The following SEC14L5 variants were observed in gnomAD, a reference collection of about 807,000 sequenced individuals.
The protein encoded by SEC14L5 is SEC14-like protein 5.
Under a neutral mutation model 84.6 loss-of-function variants are expected in SEC14L5, and 96 were observed. The ratio of observed to expected loss-of-function variants is 1.13; its 90% CI spans 0.96 to 1.34. SEC14L5 has a LOEUF of 1.34. Ranked by LOEUF, SEC14L5 falls within the 40% of genes most tolerant of loss-of-function variation. SEC14L5 has a pLI of 0.00. For missense variants in SEC14L5, 1,224 were observed against 942.5 expected (o/e 1.30, Z -3.91); for synonymous variants, 546 against 383.4 (o/e 1.42, Z -4.95).
chr16:5,012,556 G>A (rs979613429), intron 15 of SEC14L5, among the ~76,000 whole-genome samples: 1 of 152,248 alleles, frequency 6.6e-6, no homozygotes, highest in Admixed American at 6.5e-5. Flanking sequence ...ACTATGGGCA[G>A]CGATGGATGC....
At chr16:4,978,924 T>C (rs572293107) in intron 2 of SEC14L5, among the ~76,000 whole-genome samples, 320 of 152,276 alleles carry the variant, frequency 2.1e-3, no homozygotes, top group African/African-American at 7.4e-3. Flanking sequence ...TATGTAGAGA[T>C]GAGGTCTCAC....
At position 4,979,412 on chromosome 16, in the gene SEC14L5, C is replaced by G. The variant is rs554561643; in HGVS notation, c.64-8145C>G. Among the ~76,000 whole-genome samples the G allele has an allele frequency of 2.6e-5, 4 of 152,308 alleles. No individual in the cohort carries two copies. The South Asian group carries it at 8.3e-4, about 32-fold the overall frequency. On this transcript the variant is annotated intron_variant, in intron 2 of 15. Coordinates refer to ENST00000251170, the MANE Select transcript of SEC14L5 (RefSeq NM_014692.2). ...TCTGAGTTTTGGCTTCTCCATCTGT[C>G]AAATGCGGAGGGTGAGCGCTACCTA...
intron 11 of SEC14L5, among the ~76,000 whole-genome samples, chr16:5,005,634 G>A (rs922561221): frequency 6.6e-6 from 1 of 152,008 alleles, no homozygotes; most frequent in African/African-American, 2.4e-5. Flanking sequence ...GGCCGAGGCA[G>A]GTGGATCACG....
In SEC14L5 at chr16:5,013,506, C is replaced by T. The variant is rs1955831776; in HGVS notation, c.1980-1353C>T. ...GGCTCAAGCAATCCTCCAACCTCAG[C>T]TTCCCAAGTAGCTGGGACTATAGGC... On this transcript the variant is annotated intron_variant, in intron 15 of 15. Coordinates refer to ENST00000251170, the MANE Select transcript of SEC14L5 (RefSeq NM_014692.2). Among the ~76,000 whole-genome samples the T allele has an allele frequency of 2.7e-5, 4 of 148,772 alleles. No homozygotes were observed. The South Asian group carries it at 8.5e-4, about 31-fold the overall frequency.
rs1282378028 is a variant in SEC14L5, at chr16:5,017,825, C to G, written c.*2855C>G. ...GTCATTCTTCTTGCCTTCGGGAGGACTGGAATTAAAAATAATCCAAGGAAG... is the reference window on the plus strand; with the variant it reads ...GTCATTCTTCTTGCCTTCGGGAGGAGTGGAATTAAAAATAATCCAAGGAAG... On this transcript the variant is annotated 3_prime_UTR_variant, in exon 16 of 16. Coordinates refer to ENST00000251170, the MANE Select transcript of SEC14L5 (RefSeq NM_014692.2). 6.6e-6 allele frequency: 1 copy of G among 152,174 alleles called. No individual in the cohort carries two copies. The highest frequency in any genetic ancestry group is 1.5e-5 in the Non-Finnish European group (1 of 68,024). 9.4% of individuals were successfully genotyped at this position (152,174 alleles called of 1,614,324 possible).
chr16:4,993,278 G>A (rs1224298247), intron 6 of SEC14L5, among the ~76,000 whole-genome samples: 1 of 152,016 alleles, frequency 6.6e-6, no homozygotes, highest in African/African-American at 2.4e-5. Context: ...GTCTCACTGT[G>A]TCACCCAGGC....
At chr16:5,011,046 C>T (rs754613880) in intron 14 of SEC14L5, 49 bp from the exon 15 acceptor site, 2 of 1,532,704 alleles carry the variant, frequency 1.3e-6, no homozygotes, top group Admixed American at 2.0e-5. Flanking sequence ...CCTCCTTGAC[C>T]TGTCCTCTGG....
At position 4,996,896 on chromosome 16, in the gene SEC14L5, T is replaced by G. The variant is rs200252183; in HGVS notation, c.822T>G (p.His274Gln). Residue 274 changes from histidine to glutamine, a missense_variant, in exon 8 of 16, where the codon CAT becomes CAG. By Grantham distance (24) the His-to-Gln change is conservative. Coordinates refer to ENST00000251170, the MANE Select transcript of SEC14L5 (RefSeq NM_014692.2). ...DEHILRFLRA[H>Q]DFHLDKAREM... Reference sequence around the variant, plus strand: ...ACATCCTTCGGTTCCTGCGGGCTCATGACTTCCACCTGGACAAGGCCCGGG... The same window carrying G: ...ACATCCTTCGGTTCCTGCGGGCTCAGGACTTCCACCTGGACAAGGCCCGGG... The G allele has an allele frequency of 1.2e-6, 2 of 1,613,716 alleles. No homozygotes were observed. Among genetic ancestry groups the G allele is most frequent in the African/African-American group, 2.7e-5 (2 of 74,988 alleles).
chr16:4,970,692 G>T (rs926012327), intron 2 of SEC14L5, among the ~76,000 whole-genome samples: 1 of 152,160 alleles, frequency 6.6e-6, no homozygotes, highest in Non-Finnish European at 1.5e-5. Context: ...ACACATGGGT[G>T]GCACGGGCTG....
chr16:4,994,429 C>T lies in SEC14L5; in HGVS notation c.668-1919C>T, dbSNP rs547758675. On this transcript the variant is annotated intron_variant, in intron 6 of 15. Coordinates refer to ENST00000251170, the MANE Select transcript of SEC14L5 (RefSeq NM_014692.2). ...TGTGATCTCAGCTCACTGCAACCTC[C>T]GCCTCCTGGGTTCAAACGATTCTCC... is the stretch of plus-strand genomic sequence containing the variant. 1.8e-4 allele frequency among the ~76,000 whole-genome samples: 28 copies of T among 152,086 alleles called. 1 individual carries two copies. The South Asian group carries it at 2.1e-3, about 11-fold the overall frequency.
chr16:5,006,071 C>G (rs764293976), intron 12 of SEC14L5, 23 bp downstream of exon 12: 6 of 1,611,058 alleles, frequency 3.7e-6, no homozygotes, highest in Admixed American at 1.7e-5. Flanking sequence ...TGTCCACAGA[C>G]AGACCTGGGC....
intron 2 of SEC14L5, among the ~76,000 whole-genome samples, chr16:4,972,469 C>T (rs1419340876): frequency 6.6e-6 from 1 of 152,222 alleles, no homozygotes; most frequent in Admixed American, 6.5e-5. Context: ...ACTCTGTACC[C>T]ATGAAACACT....
intron 6 of SEC14L5, 120 bp from the exon 7 acceptor site, chr16:4,996,228 C>T (rs546566073): frequency 1.6e-5 from 10 of 631,298 alleles, no homozygotes; most frequent in Non-Finnish European, 2.3e-5. Flanking sequence ...GGGGGCTTAG[C>T]CTGGTTTGGA....
At chr16:5,004,883 A>C (rs1273110535) in intron 11 of SEC14L5, among the ~76,000 whole-genome samples, 2 of 152,210 alleles carry the variant, frequency 1.3e-5, no homozygotes, top group Non-Finnish European at 2.9e-5. Flanking sequence ...CCATCCATGT[A>C]ATGGAATAGC....
chr16:4,964,577 C>T (rs1023719475), intron 2 of SEC14L5, among the ~76,000 whole-genome samples: 5 of 151,750 alleles, frequency 3.3e-5, no homozygotes, highest in African/African-American at 1.2e-4. Flanking sequence ...GAGTGTGACC[C>T]TATCTCAAAA....
Position 4,964,258 on chromosome 16 carries a change from C to T in SEC14L5, c.63+4872C>T, listed in dbSNP as rs114524246. ...ATGCTCTGCCCAGTCCATTGTGAGT[C>T]GAGTCTAGGTTATTTGTCTCTTTTC... On this transcript the variant is annotated intron_variant, in intron 2 of 15. Coordinates refer to ENST00000251170, the MANE Select transcript of SEC14L5 (RefSeq NM_014692.2). 8.4e-3 allele frequency among the ~76,000 whole-genome samples: 1,274 copies of T among 152,124 alleles called. 14 individuals carry two copies. The highest frequency in any genetic ancestry group is 0.027 in the African/African-American group (1,140 of 41,514).
chr16:5,006,011 G>A lies in SEC14L5; in HGVS notation c.1400G>A (p.Arg467Lys). Residue 467 changes from arginine (R) to lysine (K), a missense_variant, in exon 12 of 16, where the codon AGA (arginine) becomes AAA (lysine). Coordinates refer to ENST00000251170, the MANE Select transcript of SEC14L5 (RefSeq NM_014692.2). ...GGAGGCCTTGTGGACTATCTGGATA[G>A]AGAAGTGATCCCTGACTTCCTTGGG... ...GPGGLVDYLD[R>K]EVIPDFLGGE... 1 of 1,613,952 alleles carries A rather than the reference G, an allele frequency of 6.2e-7. No homozygotes were observed. Among genetic ancestry groups the A allele is most frequent in the Non-Finnish European group, 8.5e-7 (1 of 1,179,844 alleles).
intron 2 of SEC14L5, among the ~76,000 whole-genome samples, chr16:4,975,483 A>C (rs1476414021): frequency 6.6e-6 from 1 of 151,544 alleles, no homozygotes; most frequent in East Asian, 1.9e-4. Context: ...AAAAAAAAAA[A>C]AAAAAAAAAG....
At chr16:4,998,761 A>T (rs1357602018) in intron 8 of SEC14L5, among the ~76,000 whole-genome samples, 5 of 142,672 alleles carry the variant, frequency 3.5e-5, no homozygotes, top group East Asian at 2.1e-4. Context: ...AAAAAAAAAA[A>T]AAAAATAAAC....
Sources: allele counts gnomAD v4.1 joint callset (sites outside exome capture counted in the v4.1 genomes callset), GRCh38; gene constraint gnomAD v4.1.1; transcripts MANE v1.5; gene names NCBI Gene and HGNC (gene_info 2026-07-23, HGNC 2026-07-21).